Variants in AP3B1 observed in about 807,000 individuals in gnomAD.
The protein encoded by AP3B1 is AP-3 complex subunit beta-1.
A neutral mutation model predicts 132.5 loss-of-function variants in AP3B1; 61 were observed. The observed-to-expected ratio is 0.46, with a 90% confidence interval of 0.37 to 0.57. The LOEUF (loss-of-function observed/expected upper bound fraction) is 0.57, where lower values mean the gene tolerates loss of function less well. AP3B1 is among the 20% of genes least tolerant of loss of function. The pLI, the probability that AP3B1 is intolerant of heterozygous loss-of-function variation, is 0.00. For synonymous variants in AP3B1, 388 were observed against 438.3 expected, an observed-to-expected ratio of 0.89 and a Z score of 1.43; for missense variants, 1,120 against 1,289.4, an observed-to-expected ratio of 0.87 and a Z score of 2.01.
intron 22 of AP3B1, among the ~76,000 whole-genome samples, chr5:78,080,840 G>A (rs370362086): frequency 6.6e-6 from 1 of 151,958 alleles, no homozygotes; most frequent in South Asian, 2.1e-4. Context: ...AAATATGATC[G>A]GTGGAAAAAC....
At chr5:78,234,285 T>A (rs949311307) in intron 3 of AP3B1, among the ~76,000 whole-genome samples, 1 of 152,200 alleles carries the variant, frequency 6.6e-6, no homozygotes, top group Non-Finnish European at 1.5e-5. Context: ...TTCCTTTAAA[T>A]GATCACTTGG....
chr5:78,015,952 G>C (rs1219386233), intron 25 of AP3B1: 1 of 220,822 alleles, frequency 4.5e-6, no homozygotes, highest in Admixed American at 5.4e-5. Flanking sequence ...TTCATTCAAA[G>C]ATCTCTCATT....
intron 14 of AP3B1, among the ~76,000 whole-genome samples, chr5:78,154,924 T>C (rs1321283889): frequency 6.6e-6 from 1 of 152,240 alleles, no homozygotes; most frequent in Non-Finnish European, 1.5e-5. Flanking sequence ...AAGGGTCACG[T>C]ATCTCTCTGT....
intron 26 of AP3B1, among the ~76,000 whole-genome samples, chr5:78,010,777 T>C (rs1746588351): frequency 6.6e-6 from 1 of 152,190 alleles, no homozygotes; most frequent in Admixed American, 6.5e-5. Context: ...TTTAATGCTG[T>C]CCATTTTGCC....
At chr5:78,270,294 A>G (rs1225052272) in intron 1 of AP3B1, among the ~76,000 whole-genome samples, 1 of 152,162 alleles carries the variant, frequency 6.6e-6, no homozygotes, top group East Asian at 1.9e-4. Context: ...TTAAAAAGAA[A>G]AAAGAAAGGA....
chr5:78,245,002 A>C (rs2112525733), intron 2 of AP3B1, among the ~76,000 whole-genome samples: 1 of 152,166 alleles, frequency 6.6e-6, no homozygotes, highest in East Asian at 1.9e-4. Flanking sequence ...TCAAAAAAAA[A>C]ACAAAGTAGA....
chr5:78,093,624 A>G (rs779880630), intron 21 of AP3B1, among the ~76,000 whole-genome samples: 1 of 152,254 alleles, frequency 6.6e-6, no homozygotes, highest in Non-Finnish European at 1.5e-5. Context: ...AGATTTAAGA[A>G]TAAGAAAAAC....
Position 78,229,207 on chromosome 5 carries a change from G to T in AP3B1, c.280-968C>A, listed in dbSNP as rs1037708294. Among the ~76,000 whole-genome samples the T allele has an allele frequency of 2.6e-5, 4 of 152,146 alleles. No individual in the cohort carries two copies. In the East Asian group the frequency reaches 7.7e-4, roughly 29 times the overall value. On this transcript the variant is annotated intron_variant, in intron 3 of 26. Coordinates refer to ENST00000255194, the MANE Select transcript of AP3B1 (RefSeq NM_003664.5). ...CACCTCAGCCTCCCAAAGCACAGGG[G>T]TTACAGGCATGAGCCATTATGCCCA...
At chr5:78,116,918 T>C (rs1258685598) in intron 17 of AP3B1, among the ~76,000 whole-genome samples, 1 of 152,102 alleles carries the variant, frequency 6.6e-6, no homozygotes, top group East Asian at 1.9e-4. Context: ...CCTGAAACCC[T>C]GCAGTGGCTC....
chr5:78,245,965 AGT>A (rs747820542), intron 2 of AP3B1, among the ~76,000 whole-genome samples: 15 of 152,338 alleles, frequency 9.8e-5, no homozygotes, highest in Admixed American at 7.2e-4. Flanking sequence ...TCAGGTAAAA[AGT>A]GAGAGTCATG....
intron 26 of AP3B1, among the ~76,000 whole-genome samples, chr5:78,009,463 A>G (rs1216887922): frequency 6.7e-6 from 1 of 150,228 alleles, no homozygotes; most frequent in Non-Finnish European, 1.5e-5. Flanking sequence ...TCTTAAAAGA[A>G]AAAAAAAAAG....
intron 21 of AP3B1, among the ~76,000 whole-genome samples, chr5:78,092,623 G>T (rs1336877802): frequency 1.3e-5 from 2 of 152,184 alleles, no homozygotes; most frequent in East Asian, 3.9e-4. Flanking sequence ...TTAATACTGT[G>T]TAAGCTGGTA....
At chr5:78,073,293 C>T (rs1010391798) in intron 22 of AP3B1, among the ~76,000 whole-genome samples, 2 of 152,154 alleles carry the variant, frequency 1.3e-5, no homozygotes, top group Non-Finnish European at 2.9e-5. Flanking sequence ...ATACCATGCC[C>T]TGCCCTGTGT....
intron 24 of AP3B1, 28 bp downstream of exon 24, chr5:78,034,333 T>TA (rs772669160): frequency 1.9e-6 from 3 of 1,561,468 alleles, no homozygotes; most frequent in African/African-American, 1.4e-5. Context: ...ACAGGTTATA[T>TA]AAAAAATAGA....
intron 20 of AP3B1, among the ~76,000 whole-genome samples, chr5:78,104,638 A>G (rs1481681143): frequency 6.6e-6 from 1 of 152,142 alleles, no homozygotes; most frequent in Non-Finnish European, 1.5e-5. Flanking sequence ...ACCAATCAAA[A>G]AATTGTTCCT....
At chr5:78,071,854 C>T (rs1749556599) in intron 22 of AP3B1, among the ~76,000 whole-genome samples, 1 of 152,156 alleles carries the variant, frequency 6.6e-6, no homozygotes, top group Non-Finnish European at 1.5e-5. Flanking sequence ...GAAGTCTCTC[C>T]ACTTACTTTC....
At chr5:78,078,778 T>C (rs1377494673) in intron 22 of AP3B1, among the ~76,000 whole-genome samples, 1 of 152,242 alleles carries the variant, frequency 6.6e-6, no homozygotes, top group Non-Finnish European at 1.5e-5. Flanking sequence ...TATTAACCTG[T>C]TATCTGTAAT....
At chr5:78,286,644 A>G (rs1749294616) in intron 1 of AP3B1, among the ~76,000 whole-genome samples, 1 of 152,236 alleles carries the variant, frequency 6.6e-6, no homozygotes, top group Non-Finnish European at 1.5e-5. Context: ...ATAGCAGCAT[A>G]AAACAAACTG....
chr5:78,028,543 T>C (rs1021260570), intron 24 of AP3B1, among the ~76,000 whole-genome samples: 2 of 152,214 alleles, frequency 1.3e-5, no homozygotes, highest in African/African-American at 2.4e-5. Context: ...GGAACTTCCA[T>C]TATAATGTGG....
Sources: allele counts gnomAD v4.1 joint callset (sites outside exome capture counted in the v4.1 genomes callset), GRCh38; gene constraint gnomAD v4.1.1; transcripts MANE v1.5; gene names NCBI Gene and HGNC (gene_info 2026-07-23, HGNC 2026-07-21).